SLC39A14: variants seen among roughly 807,000 people sequenced by gnomAD.
SLC39A14 encodes the protein metal cation symporter ZIP14.
Under a neutral mutation model 45.5 loss-of-function variants are expected in SLC39A14, and 19 were observed. The observed-to-expected ratio is 0.42, with a 90% CI of 0.29 to 0.61. The LOEUF (loss-of-function observed/expected upper bound fraction) is 0.61. Ranked by LOEUF, SLC39A14 falls within the 20% of genes least tolerant of loss-of-function variation. The probability of loss-of-function intolerance (pLI) is 0.22; values close to 1 mark genes in which losing one functional copy is unlikely to be tolerated. For missense variants in SLC39A14, 447 were observed against 616.5 expected (o/e 0.73, Z 2.91); for synonymous variants, 264 against 251.3 (o/e 1.05, Z -0.48).
At chr8:22,411,434 G>C (rs1195767021) in intron 3 of SLC39A14, among the ~76,000 whole-genome samples, 1 of 152,264 alleles carries the variant, frequency 6.6e-6, no homozygotes, top group African/African-American at 2.4e-5. Flanking sequence ...CATTGGGCAT[G>C]AATTAATCGT....
chr8:22,382,587 C>T (rs1833570748), intron 1 of SLC39A14, among the ~76,000 whole-genome samples: 1 of 152,086 alleles, frequency 6.6e-6, no homozygotes, highest in Admixed American at 6.6e-5. Context: ...TAGGAGGATC[C>T]CTTGAGCCCA....
rs765117708 is a variant in SLC39A14, at chr8:22,414,771, G to T, written c.628-9G>T. 4 of 1,585,994 alleles carry T rather than the reference G, an allele frequency of 2.5e-6. No individual in the cohort carries two copies. The highest frequency in any genetic ancestry group is 3.4e-6 in the Non-Finnish European group (4 of 1,173,236). ...CTTTAAAACTCATTTTCTTTTCCTG[G>T]GTCCACAGGCATTTGGTTTCAACCC... On this transcript the variant is annotated splice_polypyrimidine_tract_variant and intron_variant, in intron 4 of 8. Transcript: ENST00000381237.
In SLC39A14 at chr8:22,421,322, T is replaced by C. The variant is rs1836216505; in HGVS notation, c.*1624T>C. On this transcript the variant is annotated 3_prime_UTR_variant, in exon 9 of 9. Coordinates refer to ENST00000381237, the MANE Select transcript of SLC39A14 (RefSeq NM_001128431.4). Reference sequence around the variant, plus strand: ...TTGTTTTCTCTTCTTGGGAGACATCTGTCAAACCAGGAATATTCTTGAAAA... The same window carrying C: ...TTGTTTTCTCTTCTTGGGAGACATCCGTCAAACCAGGAATATTCTTGAAAA... 5.1e-6 allele frequency: 5 copies of C among 985,894 alleles called. No individual in the cohort carries two copies. Among genetic ancestry groups the C allele is most frequent in the Non-Finnish European group, 6.0e-6 (5 of 829,928 alleles). 61.1% of individuals were successfully genotyped at this position (985,894 alleles called of 1,614,324 possible). A position where few individuals can be genotyped will look rare whatever the true frequency, so the allele number is the denominator to read the frequency against.
chr8:22,408,960 A>G (rs1835398041), intron 3 of SLC39A14, among the ~76,000 whole-genome samples: 1 of 150,704 alleles, frequency 6.6e-6, no homozygotes, highest in Non-Finnish European at 1.5e-5. Context: ...AGCTGGGACT[A>G]CAGGCGTGCA....
intron 3 of SLC39A14, among the ~76,000 whole-genome samples, chr8:22,410,447 T>C (rs1835503621): frequency 6.6e-6 from 1 of 152,086 alleles, no homozygotes; most frequent in Non-Finnish European, 1.5e-5. Flanking sequence ...CCTTTGGTGC[T>C]AAGTACTTGC....
At chr8:22,413,454 T>C (rs944867254) in intron 4 of SLC39A14, among the ~76,000 whole-genome samples, 3 of 152,186 alleles carry the variant, frequency 2.0e-5, no homozygotes, top group African/African-American at 7.2e-5. Flanking sequence ...TTTGTGGCTT[T>C]TTGCAGAGAA....
At chr8:22,424,886 G>A (rs753411278), downstream of SLC39A14, among the ~76,000 whole-genome samples, 2 of 152,154 alleles carry the variant, frequency 1.3e-5, no homozygotes, top group Admixed American at 1.3e-4. Context: ...AAATTTAGCC[G>A]GGCATGGTGG....
At chr8:22,409,613 C>A (rs990583973) in intron 3 of SLC39A14, among the ~76,000 whole-genome samples, 8 of 152,160 alleles carry the variant, frequency 5.3e-5, no homozygotes, top group African/African-American at 1.9e-4. Flanking sequence ...AACTCCTGAC[C>A]TCAGGTGATC....
intron 1 of SLC39A14, chr8:22,393,238 G>A: frequency 3.0e-6 from 3 of 985,852 alleles, no homozygotes; most frequent in Non-Finnish European, 3.6e-6. Flanking sequence ...TCAGGGTATG[G>A]AGGAGAGCAG....
Position 22,421,095 on chromosome 8 carries a change from A to G in SLC39A14, c.*1397A>G. ...TTGATTTATTATTATCATATTGATA[A>G]TGTGAGATTCTTTAGCCACTTTGGG... On this transcript the variant is annotated 3_prime_UTR_variant, in exon 9 of 9. Transcript: ENST00000381237. The G allele has an allele frequency of 2.0e-6, 2 of 985,810 alleles. No homozygotes were observed. Among genetic ancestry groups the G allele is most frequent in the Non-Finnish European group, 2.4e-6 (2 of 829,922 alleles). 61.1% of individuals were successfully genotyped at this position (985,810 alleles called of 1,614,324 possible). A position where few individuals can be genotyped will look rare whatever the true frequency, so the allele number is the denominator to read the frequency against.
Position 22,408,475 on chromosome 8 carries a change from G to A in SLC39A14, c.436G>A (p.Gly146Arg). ...CGAGGAGAATGAGCAGACGGAGGAGGGGCGGCCAAGCGCTGTTGAAGGTGA... is the reference window on the plus strand; with the variant it reads ...CGAGGAGAATGAGCAGACGGAGGAGAGGCGGCCAAGCGCTGTTGAAGGTGA... ...ENEENEQTEE[G>R]RPSAVEVWGY... The change falls in exon 3 of 9, where the codon GGG becomes AGG. Residue 146 changes from glycine to arginine, a missense_variant. Physicochemically the swap from Gly to Arg is moderately radical, Grantham distance 125. Around this residue, in one of 2 missense-constraint regions of SLC39A14, gnomAD observed 342 missense variants for 428.1 expected, o/e 0.80. Coordinates refer to ENST00000381237, the MANE Select transcript of SLC39A14 (RefSeq NM_001128431.4). 2 of 1,613,840 alleles carry A rather than the reference G, an allele frequency of 1.2e-6. No homozygotes were observed. Among genetic ancestry groups the A allele is most frequent in the Non-Finnish European group, 1.7e-6 (2 of 1,179,932 alleles).
intron 5 of SLC39A14, chr8:22,415,559 G>A (rs191021642): frequency 1.2e-3 from 629 of 512,692 alleles, no homozygotes; most frequent in African/African-American, 0.011. Flanking sequence ...GCCTCCCACA[G>A]TGCTGGGATT....
intron 1 of SLC39A14, among the ~76,000 whole-genome samples, chr8:22,373,135 C>T (rs190269357): frequency 0.031 from 4,752 of 151,714 alleles, 244 homozygotes; most frequent in African/African-American, 0.11. Flanking sequence ...TGGTGGTGCA[C>T]GCCTGTAGTC....
downstream of SLC39A14, among the ~76,000 whole-genome samples, chr8:22,425,759 A>G (rs565541029): frequency 6.6e-6 from 1 of 151,232 alleles, no homozygotes; most frequent in Non-Finnish European, 1.5e-5. Flanking sequence ...TGTAACAGCA[A>G]TCCTTGATCC....
At chr8:22,390,447 A>G (rs971720341) in intron 1 of SLC39A14, 2 of 152,042 alleles carry the variant, frequency 1.3e-5, no homozygotes, top group African/African-American at 4.8e-5. Flanking sequence ...CTGGGACTAC[A>G]GGCACACACA....
chr8:22,392,606 T>C (rs74582093), intron 1 of SLC39A14, among the ~76,000 whole-genome samples: 4,597 of 152,156 alleles, frequency 0.03, 220 homozygotes, highest in African/African-American at 0.1. Flanking sequence ...CTGGGAAGTG[T>C]TGATGGATGA....
chr8:22,387,845 C>T (rs1027219970), intron 1 of SLC39A14, among the ~76,000 whole-genome samples: 1 of 152,200 alleles, frequency 6.6e-6, no homozygotes, highest in Non-Finnish European at 1.5e-5. Flanking sequence ...CGCCTGTAAT[C>T]CCAGCACTTT....
In SLC39A14 at chr8:22,419,830, C is replaced by T. The variant is rs1836125942; in HGVS notation, c.*132C>T. On this transcript the variant is annotated 3_prime_UTR_variant, in exon 9 of 9. Coordinates refer to ENST00000381237, the MANE Select transcript of SLC39A14 (RefSeq NM_001128431.4). ...AAAACTGACACAGACTGTATTCCTG[C>T]ATTCAAATGTCAGCCGTTTGTAAAA... The T allele has an allele frequency of 1.4e-6, 2 of 1,394,456 alleles. No homozygotes were observed. Among genetic ancestry groups the T allele is most frequent in the Middle Eastern group, 2.7e-4 (1 of 3,726 alleles). The allele number at this position is 1,394,456 out of a possible 1,614,324, so 86.4% of individuals were successfully genotyped here.
At chr8:22,394,080 C>G (rs1834234114) in intron 1 of SLC39A14, among the ~76,000 whole-genome samples, 1 of 149,644 alleles carries the variant, frequency 6.7e-6, no homozygotes, top group African/African-American at 2.5e-5. Flanking sequence ...GATCTTGGCT[C>G]ACTGCAACCT....
Sources: allele counts gnomAD v4.1 joint callset (sites outside exome capture counted in the v4.1 genomes callset), GRCh38; gene constraint gnomAD v4.1.1; regional missense constraint gnomAD v4.1.1; transcripts MANE v1.5; gene names NCBI Gene and HGNC (gene_info 2026-07-23, HGNC 2026-07-21).